Variants in ARID5B observed in about 807,000 individuals in gnomAD.
ARID5B encodes AT-rich interactive domain-containing protein 5B.
A neutral mutation model predicts 97.2 loss-of-function variants in ARID5B; 13 were observed. The observed-to-expected ratio is 0.13, with a 90% CI of 0.09 to 0.21. The LOEUF is 0.21. ARID5B is among the 10% of genes least tolerant of loss of function. ARID5B has a pLI of 1.00. For synonymous variants in ARID5B, 556 were observed against 570.3 expected (o/e 0.97, Z 0.36); for missense variants, 1,210 against 1,465.3 (o/e 0.83, Z 2.84).
chr10:62,042,145 T>C (rs1279472926), intron 4 of ARID5B, among the ~76,000 whole-genome samples: 2 of 152,218 alleles, frequency 1.3e-5, no homozygotes, highest in African/African-American at 2.4e-5. Flanking sequence ...ATTATATTTG[T>C]ATTATATAGA....
intron 4 of ARID5B, among the ~76,000 whole-genome samples, chr10:62,038,018 T>C (rs1289278917): frequency 6.6e-6 from 1 of 152,044 alleles, no homozygotes; most frequent in African/African-American, 2.4e-5. Context: ...AAGAGAAAAA[T>C]GGTACATTTA....
rs556536326 is a variant in ARID5B at position 61,926,036 on chromosome 10, A to G, written c.277-14147A>G. ...GGCTAGCTTGGGAAATTAGAACCCA[A>G]TACACTAAAGAGCCTCCGTGGCAAA... On this transcript the variant is annotated intron_variant, in intron 2 of 9. Transcript: ENST00000279873. Among the ~76,000 whole-genome samples the G allele has an allele frequency of 2.6e-5, 4 of 152,310 alleles. No individual in the cohort carries two copies. The South Asian group carries it at 8.3e-4, about 32-fold the overall frequency.
chr10:62,004,274 G>T (rs563480051), intron 4 of ARID5B, among the ~76,000 whole-genome samples: 7 of 152,154 alleles, frequency 4.6e-5, no homozygotes, highest in African/African-American at 1.7e-4. Context: ...TCGTATTAAT[G>T]GTAGGTGATT....
chr10:62,061,676 C>T (rs1839922922), intron 7 of ARID5B, among the ~76,000 whole-genome samples: 1 of 152,206 alleles, frequency 6.6e-6, no homozygotes, highest in Admixed American at 6.5e-5. Context: ...AGTCGCCCCT[C>T]TTTCTGGTAC....
intron 3 of ARID5B, among the ~76,000 whole-genome samples, chr10:61,966,539 C>T (rs946271850): frequency 4.0e-5 from 6 of 151,722 alleles, no homozygotes; most frequent in Non-Finnish European, 5.9e-5. Flanking sequence ...TTTTTTTTCA[C>T]ATGCTCTGAA....
chr10:62,020,504 A>G (rs1175162103), intron 4 of ARID5B, among the ~76,000 whole-genome samples: 1 of 152,200 alleles, frequency 6.6e-6, no homozygotes, highest in Non-Finnish European at 1.5e-5. Context: ...CACCTCCAAC[A>G]CAATGGGCAA....
chr10:62,030,138 T>C (rs1208152929), intron 4 of ARID5B, among the ~76,000 whole-genome samples: 1 of 151,994 alleles, frequency 6.6e-6, no homozygotes, highest in Non-Finnish European at 1.5e-5. Flanking sequence ...CTTTTTCTTT[T>C]TTTTTTTGAG....
chr10:61,967,109 C>T (rs1391364280), intron 3 of ARID5B, among the ~76,000 whole-genome samples: 1 of 151,994 alleles, frequency 6.6e-6, no homozygotes, highest in Non-Finnish European at 1.5e-5. Context: ...TTTTTTAGCC[C>T]TTTAAGAGCA....
chr10:62,071,551 T>G, intron 8 of ARID5B, among the ~76,000 whole-genome samples: 1 of 38,858 alleles, frequency 2.6e-5, no homozygotes, highest in Non-Finnish European at 4.8e-5. Context: ...AAGTATCACA[T>G]GGTAAAAAAA....
intron 3 of ARID5B, among the ~76,000 whole-genome samples, chr10:61,967,934 G>T (rs549104817): frequency 1.3e-4 from 19 of 151,890 alleles, no homozygotes; most frequent in Admixed American, 5.9e-4. Flanking sequence ...CCATCTATTT[G>T]TACATTCTTA....
Position 62,094,130 on chromosome 10 carries a change from T to C in ARID5B, c.*1100T>C, listed in dbSNP as rs1840430603. 3 of 233,268 alleles carry C rather than the reference T, an allele frequency of 1.3e-5. No homozygotes were observed. Among genetic ancestry groups the C allele is most frequent in the East Asian group, 1.2e-4 (2 of 16,556 alleles). The allele number at this position is 233,268 out of a possible 1,614,324, so 14.4% of individuals were successfully genotyped here. A position where few individuals can be genotyped will look rare whatever the true frequency, so the allele number is the denominator to read the frequency against. Reference sequence around the variant, plus strand: ...TAACAACAGAGTCTAGAGGACATATTTGTGGGCTGCACAGATATTTTAGGA... The same window carrying C: ...TAACAACAGAGTCTAGAGGACATATCTGTGGGCTGCACAGATATTTTAGGA... On this transcript the variant is annotated 3_prime_UTR_variant, in exon 10 of 10. Transcript: ENST00000279873.
chr10:62,051,499 T>G (rs1839789869), intron 5 of ARID5B, among the ~76,000 whole-genome samples: 1 of 152,252 alleles, frequency 6.6e-6, no homozygotes. Flanking sequence ...AAATTAAAGA[T>G]ACATAGCAAA....
At chr10:61,963,920 GAC>G (rs761880622) in intron 3 of ARID5B, among the ~76,000 whole-genome samples, 7 of 152,232 alleles carry the variant, frequency 4.6e-5, no homozygotes, top group East Asian at 3.9e-4. Flanking sequence ...TTAACACAGA[GAC>G]AGATGTGCCT....
intron 4 of ARID5B, among the ~76,000 whole-genome samples, chr10:62,020,462 G>A (rs961846982): frequency 6.6e-6 from 1 of 152,084 alleles, no homozygotes; most frequent in Non-Finnish European, 1.5e-5. Flanking sequence ...TGGATTGATG[G>A]GACTTTGACA....
chr10:62,066,121 T>A (rs952908032), intron 7 of ARID5B, among the ~76,000 whole-genome samples: 2 of 152,156 alleles, frequency 1.3e-5, no homozygotes, highest in African/African-American at 4.8e-5. Context: ...GAATAAAAAC[T>A]ATAAGCAAGT....
chr10:62,003,430 G>A (rs912378416), intron 4 of ARID5B, among the ~76,000 whole-genome samples: 2 of 152,148 alleles, frequency 1.3e-5, no homozygotes, highest in African/African-American at 4.8e-5. Context: ...AAGATAGGGA[G>A]CAGGTTAATA....
chr10:61,987,218 TACAACATTCAGGGGTC>T (rs1301041308), intron 3 of ARID5B, among the ~76,000 whole-genome samples: 1 of 152,162 alleles, frequency 6.6e-6, no homozygotes, highest in African/African-American at 2.4e-5. Context: ...AGCCCAATGA[TACAACATTCAGGGGTC>T]ACAGAGCAAG....
chr10:61,969,862 C>T (rs745808111), intron 3 of ARID5B, among the ~76,000 whole-genome samples: 11 of 152,162 alleles, frequency 7.2e-5, no homozygotes, highest in Non-Finnish European at 1.2e-4. Flanking sequence ...TCTTGATTTC[C>T]GTACTAAATT....
Position 62,085,859 on chromosome 10 carries a change from A to C in ARID5B, c.1357A>C (p.Lys453Gln), listed in dbSNP as rs1267266872. The change falls in exon 9 of 10, where the codon AAA becomes CAA. Residue 453 changes from lysine (K) to glutamine (Q), a missense_variant. Physicochemically the swap from Lys to Gln is moderately conservative, Grantham distance 53. Around this residue, in one of 8 missense-constraint regions of ARID5B, gnomAD observed 800 missense variants for 839.1 expected, o/e 0.95. Transcript: ENST00000279873. ...CAAACATGAAATACCTAAAAGCAAG[A>C]AAGAAAAAGAAAATGCCCCAAAGCC... ...RIKHEIPKSK[K>Q]EKENAPKPQD... The C allele has an allele frequency of 1.9e-6, 3 of 1,613,804 alleles. No homozygotes were observed. The highest frequency in any genetic ancestry group is 3.3e-5 in the Admixed American group (2 of 59,924).
Sources: gnomAD v4.1 joint callset for allele counts (sites outside exome capture counted in the v4.1 genomes callset) on GRCh38, gnomAD v4.1.1 for gene constraint, gnomAD v4.1.1 regional missense constraint, MANE v1.5 for transcripts, NCBI Gene and HGNC (gene_info 2026-07-23, HGNC 2026-07-21) for gene names.